The following ZNF395 variants were observed in gnomAD, a reference collection of about 807,000 sequenced individuals.
The protein encoded by ZNF395 is HD gene regulatory region-binding protein 2.
In ZNF395, 20 loss-of-function variants were observed where a neutral mutation model predicts 57.7. That is an observed-to-expected ratio of 0.35 (90% CI 0.24 to 0.50). The LOEUF (loss-of-function observed/expected upper bound fraction) is 0.50. ZNF395 is among the 20% of genes least tolerant of loss of function. The pLI is 0.97. For missense variants in ZNF395, 606 were observed against 671.2 expected (o/e 0.90, Z 1.07); for synonymous variants, 295 against 275.9 (o/e 1.07, Z -0.69).
rs1360565600 is a variant in ZNF395 at position 28,346,940 on chromosome 8, T to C, written c.*1779A>G. The C allele has an allele frequency of 1.3e-5, 2 of 150,612 alleles. No homozygotes were observed. The highest frequency in any genetic ancestry group is 3.0e-5 in the Non-Finnish European group (2 of 67,596). 9.3% of individuals were successfully genotyped at this position (150,612 alleles called of 1,614,324 possible). A position where few individuals can be genotyped will look rare whatever the true frequency, so the allele number is the denominator to read the frequency against. ...CTTTACCAAGAGACAGAATTCCACATACATTTTTTTTTTTTTACTAAGTTA... is the reference window on the plus strand; with the variant it reads ...CTTTACCAAGAGACAGAATTCCACACACATTTTTTTTTTTTTACTAAGTTA... On this transcript the variant is annotated 3_prime_UTR_variant, in exon 10 of 10. Coordinates refer to ENST00000344423, the MANE Select transcript of ZNF395 (RefSeq NM_018660.3).
At chr8:28,351,369 G>T in intron 7 of ZNF395, 126 bp downstream of exon 7, 1 of 1,047,626 alleles carries the variant, frequency 9.5e-7, no homozygotes, top group Non-Finnish European at 1.4e-6. Context: ...TTGTTTCCTT[G>T]TAGAAGAGAT....
At position 28,353,350 on chromosome 8, in the gene ZNF395, G is replaced by A. The variant is rs142368525; in HGVS notation, c.642C>T (p.Ser214=). 3.7e-6 allele frequency: 6 copies of A among 1,600,040 alleles called. No homozygotes were observed. The African/African-American group carries it at 6.7e-5, about 18-fold the overall frequency. Residue 214 remains serine (S), a synonymous_variant, in exon 5 of 10, where the codon AGC becomes AGT. Transcript: ENST00000344423. ...CACTCCAGTGACCGCTGGTAGTGCT[G>A]CTGCCGCTGTCCGAGATGTCACCAC... ...KESGDISDSG[S]STTSGHWSGS... is the part of the protein sequence containing the mutation.
At chr8:28,379,502 T>C (rs1345432602) in intron 1 of ZNF395, among the ~76,000 whole-genome samples, 9 of 152,112 alleles carry the variant, frequency 5.9e-5, no homozygotes, top group African/African-American at 2.2e-4. Flanking sequence ...CATGACTCTC[T>C]GAAAAAAATA....
rs184264847 is a variant in ZNF395, at chr8:28,368,502, G to A, written c.-58-7320C>T. The A allele has an allele frequency of 6.1e-3, 930 of 152,274 alleles. 9 individuals carry two copies. The highest frequency in any genetic ancestry group is 9.2e-3 in the Non-Finnish European group (625 of 68,092). The allele number at this position is 152,274 out of a possible 1,614,324, so 9.4% of individuals were successfully genotyped here. A position where few individuals can be genotyped will look rare whatever the true frequency, so the allele number is the denominator to read the frequency against. On this transcript the variant is annotated intron_variant, in intron 1 of 9. Transcript: ENST00000344423. ...AGCAGTGGCATTGTCAGTTTCCCGC[G>A]CTGTCCTGGTCCAGTTCTCTCTTCC... is the stretch of plus-strand genomic sequence containing the variant.
Position 28,347,272 on chromosome 8 carries a change from C to T in ZNF395, c.*1447G>A, listed in dbSNP as rs1319020825. The T allele has an allele frequency of 6.6e-6, 1 of 152,284 alleles. No individual in the cohort carries two copies. Among genetic ancestry groups the T allele is most frequent in the East Asian group, 1.9e-4 (1 of 5,188 alleles). The allele number at this position is 152,284 out of a possible 1,614,324, so 9.4% of individuals were successfully genotyped here. A position where few individuals can be genotyped will look rare whatever the true frequency, so the allele number is the denominator to read the frequency against. On this transcript the variant is annotated 3_prime_UTR_variant, in exon 10 of 10. Coordinates refer to ENST00000344423, the MANE Select transcript of ZNF395 (RefSeq NM_018660.3). ...TGGGTAGGATTCCCTGAGCCCCTGA[C>T]AGCTGGGACATAGGGCCAGGACTTG...
rs960417736 is a variant in ZNF395, at chr8:28,359,710, C to T, written c.355G>A (p.Val119Met). 1.9e-6 allele frequency: 3 copies of T among 1,614,108 alleles called. No homozygotes were observed. Among genetic ancestry groups the T allele is most frequent in the Admixed American group, 1.7e-5 (1 of 60,028 alleles). Residue 119 changes from valine (V) to methionine (M), a missense_variant, in exon 3 of 10, where the codon GTG becomes ATG. Val to Met is a conservative substitution (Grantham distance 21). Coordinates refer to ENST00000344423, the MANE Select transcript of ZNF395 (RefSeq NM_018660.3). The surrounding 1 kb of genome is among the most constrained non-coding windows in gnomAD (Gnocchi z 4.7). ...LEQKLQVCCR[V>M]EEVWLAELQG... ...AGCTCTGCCAGCCACACCTCCTCCA[C>T]CCTGCAGCAGACCTGCAGCTTCTGC...
chr8:28,371,780 G>A (rs1801979448), intron 1 of ZNF395, among the ~76,000 whole-genome samples: 1 of 152,192 alleles, frequency 6.6e-6, no homozygotes, highest in African/African-American at 2.4e-5. Context: ...TGGGCGCAGT[G>A]ACTCACGCCT....
chr8:28,376,206 C>T (rs886930481), intron 1 of ZNF395, among the ~76,000 whole-genome samples: 5 of 151,062 alleles, frequency 3.3e-5, no homozygotes, highest in African/African-American at 1.2e-4. Flanking sequence ...AACTGCTGGG[C>T]TCAATCAATC....
chr8:28,361,595 C>T (rs1801850325), intron 1 of ZNF395, among the ~76,000 whole-genome samples: 1 of 152,218 alleles, frequency 6.6e-6, no homozygotes, highest in Non-Finnish European at 1.5e-5. Context: ...TACCCAAAGG[C>T]TGCACCCAAT....
chr8:28,377,844 G>T (rs1177959366), intron 1 of ZNF395, among the ~76,000 whole-genome samples: 1 of 134,998 alleles, frequency 7.4e-6, no homozygotes, highest in South Asian at 2.3e-4. Context: ...TGCAACCTTT[G>T]TCTCCTGGGT....
At chr8:28,365,407 C>T (rs754794947) in intron 1 of ZNF395, 20 of 152,424 alleles carry the variant, frequency 1.3e-4, no homozygotes, top group Non-Finnish European at 2.1e-4. Context: ...CCTCCAGAAT[C>T]TCCACTTCAT....
At position 28,349,174 on chromosome 8, in the gene ZNF395, T is replaced by C; in HGVS notation, c.1381A>G (p.Lys461Glu). The C allele has an allele frequency of 6.4e-7, 1 of 1,563,498 alleles. No homozygotes were observed. The highest frequency in any genetic ancestry group is 1.2e-5 in the South Asian group (1 of 83,364). Residue 461 changes from lysine to glutamate, a missense_variant, in exon 9 of 10, where the codon AAA becomes GAA. By Grantham distance (56) the Lys-to-Glu change is moderately conservative. Around this residue, in one of 3 missense-constraint regions of ZNF395, gnomAD observed 261 missense variants for 240.3 expected, o/e 1.09. Coordinates refer to ENST00000344423, the MANE Select transcript of ZNF395 (RefSeq NM_018660.3). Reference protein sequence around the residue: ...SEPQQPAPAMKSHLIVTSPPR... With the variant: ...SEPQQPAPAMESHLIVTSPPR... The stretch of plus-strand genomic sequence containing the variant: ...GGAGAAGTGACGATCAGATGAGATT[T>C]CATCGCAGGTGCTGGCTGCTGGGGC...
chr8:28,366,062 T>A (rs1302865726), intron 1 of ZNF395, among the ~76,000 whole-genome samples: 2 of 152,174 alleles, frequency 1.3e-5, no homozygotes, highest in African/African-American at 4.8e-5. Flanking sequence ...AGAACACAAG[T>A]CATAAGTCAA....
intron 9 of ZNF395, 99 bp from the exon 10 acceptor site, chr8:28,348,929 A>G: frequency 7.5e-7 from 1 of 1,334,218 alleles, no homozygotes; most frequent in African/African-American, 1.4e-5. Flanking sequence ...CCAAAGGGGC[A>G]GCTCCCGGCA....
intron 1 of ZNF395, among the ~76,000 whole-genome samples, chr8:28,371,437 T>C (rs1445198073): frequency 6.6e-6 from 1 of 152,218 alleles, no homozygotes; most frequent in Non-Finnish European, 1.5e-5. Context: ...TGCCTCGGCC[T>C]TCTAAAGTGC....
In ZNF395 at chr8:28,356,052, C is replaced by G. The variant is rs569229596; in HGVS notation, c.583+618G>C. ...ACTTCAGGTTCACTACCAGTCTTGC[C>G]AAACTACTGACAAATACTCAGCAAC... On this transcript the variant is annotated intron_variant, in intron 4 of 9. Coordinates refer to ENST00000344423, the MANE Select transcript of ZNF395 (RefSeq NM_018660.3). This position sits in a 1 kb window ranked among gnomAD's most constrained non-coding sequence, Gnocchi z 4.0. Among the ~76,000 whole-genome samples, 1 of 152,316 alleles carries G rather than the reference C, an allele frequency of 6.6e-6. No individual in the cohort carries two copies. Among genetic ancestry groups the G allele is most frequent in the South Asian group, 2.1e-4 (1 of 4,828 alleles).
At chr8:28,377,577 T>C (rs534362585) in intron 1 of ZNF395, among the ~76,000 whole-genome samples, 1 of 152,168 alleles carries the variant, frequency 6.6e-6, no homozygotes, top group Admixed American at 6.5e-5. Flanking sequence ...GTCAGGATGC[T>C]GTTGAGCAAG....
At chr8:28,350,974 T>C (rs1017712609) in intron 7 of ZNF395, among the ~76,000 whole-genome samples, 3 of 152,240 alleles carry the variant, frequency 2.0e-5, no homozygotes, top group Admixed American at 2.0e-4. Context: ...TAATTAGTAC[T>C]TTGACTGGTT....
intron 1 of ZNF395, among the ~76,000 whole-genome samples, chr8:28,368,129 G>C (rs1801934118): frequency 6.6e-6 from 1 of 152,162 alleles, no homozygotes; most frequent in Non-Finnish European, 1.5e-5. Context: ...TCCAGAAGGA[G>C]GTGGGGAGAT....
Sources: allele counts gnomAD v4.1 joint callset (sites outside exome capture counted in the v4.1 genomes callset), GRCh38; gene constraint gnomAD v4.1.1; regional missense constraint gnomAD v4.1.1; non-coding constraint Gnocchi (gnomAD v3.1); transcripts MANE v1.5; gene names NCBI Gene and HGNC (gene_info 2026-07-23, HGNC 2026-07-21).